The following MYO18A variants were observed in gnomAD, a reference collection of about 807,000 sequenced individuals.
The protein encoded by MYO18A is myosin XVIIIA, also known as unconventional myosin-XVIIIa.
A neutral mutation model predicts 235.8 loss-of-function variants in MYO18A; 78 were observed. The ratio of observed to expected loss-of-function variants is 0.33; its 90% CI spans 0.28 to 0.40. MYO18A has a LOEUF of 0.40. MYO18A is among the 10% of genes least tolerant of loss of function. The pLI is 1.00. For missense variants in MYO18A, 2,215 were observed against 2,699.3 expected (o/e 0.82, Z 3.98); for synonymous variants, 977 against 1,077.8 (o/e 0.91, Z 1.83).
At position 29,113,860 on chromosome 17, in the gene MYO18A, A is replaced by C. The variant is rs1423485145; in HGVS notation, c.2598+151T>G. ...CTGAGGGGCAGAGCCCCAGCACCAG[A>C]GAGTAGTTGGTGTCTGGGCATAGCT... On this transcript the variant is annotated intron_variant, in intron 15 of 41. Transcript: ENST00000527372. 1.8e-5 allele frequency: 11 copies of C among 626,224 alleles called. No individual in the cohort carries two copies. In the East Asian group the frequency reaches 3.1e-4, roughly 18 times the overall value. 38.8% of individuals were successfully genotyped at this position (626,224 alleles called of 1,614,324 possible).
intron 22 of MYO18A, 43 bp downstream of exon 22, chr17:29,099,591 C>A: frequency 6.3e-7 from 1 of 1,593,640 alleles, no homozygotes; most frequent in South Asian, 1.1e-5. Flanking sequence ...TTGGCTGTGC[C>A]CATCTAGGTT....
intron 27 of MYO18A, 144 bp from the exon 28 acceptor site, chr17:29,097,059 G>A: frequency 7.3e-7 from 1 of 1,378,490 alleles, no homozygotes; most frequent in Non-Finnish European, 9.7e-7. Context: ...AAGCTCTAAT[G>A]ATAGCTTGCT....
Position 29,115,359 on chromosome 17 carries a change from C to T in MYO18A, c.2310G>A (p.Leu770=), listed in dbSNP as rs1030042569. The T allele has an allele frequency of 1.9e-6, 3 of 1,613,858 alleles. No homozygotes were observed. The highest frequency in any genetic ancestry group is 2.5e-6 in the Non-Finnish European group (3 of 1,179,894). The change falls in exon 13 of 42, where the codon CTG becomes CTA. Residue 770 remains leucine, a synonymous_variant. Coordinates refer to ENST00000527372, the MANE Select transcript of MYO18A (RefSeq NM_078471.4). Reference sequence around the variant, plus strand: ...TCCTGCCTGGCACTCACCTATTCACCAGGGAGACGAGAAGGGTGAAGAGCT... The same window carrying T: ...TCCTGCCTGGCACTCACCTATTCACTAGGGAGACGAGAAGGGTGAAGAGCT... ...YSELFTLLVS[L]VNRALKSSQH... is the part of the protein sequence containing the mutation.
intron 2 of MYO18A, among the ~76,000 whole-genome samples, chr17:29,136,249 AAAT>A (rs1379023460): frequency 0.15 from 11,684 of 77,186 alleles, 355 homozygotes; most frequent in South Asian, 0.19. Flanking sequence ...AAAAAAAAAA[AAAT>A]ATATATATAT....
At chr17:29,091,177 G>A (rs1260718464) in intron 34 of MYO18A, 1 of 492,858 alleles carries the variant, frequency 2.0e-6, no homozygotes, top group East Asian at 3.5e-5. Context: ...CTTCCTGGCA[G>A]CTCCTTTGAG....
In MYO18A at chr17:29,092,465, A is replaced by G; in HGVS notation, c.5074-9T>C. The G allele has an allele frequency of 6.2e-7, 1 of 1,605,414 alleles. No individual in the cohort carries two copies. The highest frequency in any genetic ancestry group is 8.5e-7 in the Non-Finnish European group (1 of 1,176,042). ...AACTCTGACTCCTCCAGCTGGACACAGACCACCCCCGCCCCAGGGAGAGAT... is the reference window on the plus strand; with the variant it reads ...AACTCTGACTCCTCCAGCTGGACACGGACCACCCCCGCCCCAGGGAGAGAT... On this transcript the variant is annotated splice_polypyrimidine_tract_variant and intron_variant, in intron 33 of 41. Coordinates refer to ENST00000527372, the MANE Select transcript of MYO18A (RefSeq NM_078471.4).
intron 2 of MYO18A, chr17:29,133,901 C>G (rs2067534282): frequency 7.8e-7 from 1 of 1,280,214 alleles, no homozygotes; most frequent in Non-Finnish European, 1.0e-6. Context: ...CTCAGTGTCT[C>G]TGAGTCTTCC....
In MYO18A at chr17:29,072,453, G is replaced by C. The variant is rs1047327358; in HGVS notation, c.*2317C>G. 6.6e-6 allele frequency: 1 copy of C among 152,138 alleles called. No homozygotes were observed. The highest frequency in any genetic ancestry group is 2.4e-5 in the African/African-American group (1 of 41,404). The allele number at this position is 152,138 out of a possible 1,614,324, so 9.4% of individuals were successfully genotyped here. A position where few individuals can be genotyped will look rare whatever the true frequency, so the allele number is the denominator to read the frequency against. Reference sequence around the variant, plus strand: ...TAGGCAGGAGAATCGCTTGAACCTCGGGAGGTAGAGGTTGCAGTGAGTTGA... The same window carrying C: ...TAGGCAGGAGAATCGCTTGAACCTCCGGAGGTAGAGGTTGCAGTGAGTTGA... On this transcript the variant is annotated 3_prime_UTR_variant, in exon 42 of 42. Transcript: ENST00000527372.
At chr17:29,112,706 C>G (rs543279881) in intron 15 of MYO18A, among the ~76,000 whole-genome samples, 2 of 152,366 alleles carry the variant, frequency 1.3e-5, no homozygotes, top group East Asian at 3.9e-4. Flanking sequence ...GGAACCTTCC[C>G]CACACCCTAT....
chr17:29,076,777 T>G (rs1393355447), intron 41 of MYO18A: 2 of 152,230 alleles, frequency 1.3e-5, no homozygotes, highest in East Asian at 3.8e-4. Flanking sequence ...TTACATAGAA[T>G]TTCTGGGCAC....
chr17:29,129,128 A>C lies in MYO18A; in HGVS notation c.1000-6875T>G, dbSNP rs948993070. ...CAAGAGCCTACCCATCCTGAAGGAA[A>C]AAATGATCAGGGAGCTCTTCCTGGC... On this transcript the variant is annotated intron_variant, in intron 2 of 41. Coordinates refer to ENST00000527372, the MANE Select transcript of MYO18A (RefSeq NM_078471.4). 34 of 1,289,262 alleles carry C rather than the reference A, an allele frequency of 2.6e-5. No homozygotes were observed. In the African/African-American group the frequency reaches 5.0e-4, roughly 19 times the overall value. The allele number at this position is 1,289,262 out of a possible 1,614,324, so 79.9% of individuals were successfully genotyped here.
At position 29,086,532 on chromosome 17, in the gene MYO18A, C is replaced by T; in HGVS notation, c.5758G>A (p.Ala1920Thr). 1 of 1,613,028 alleles carries T rather than the reference C, an allele frequency of 6.2e-7. No homozygotes were observed. The highest frequency in any genetic ancestry group is 8.5e-7 in the Non-Finnish European group (1 of 1,179,528). Residue 1920 changes from alanine to threonine, a missense_variant, in exon 39 of 42, where the codon GCT becomes ACT. Coordinates refer to ENST00000527372, the MANE Select transcript of MYO18A (RefSeq NM_078471.4). ...CGCTTGAATGCCAACTTTAGGTCAGCCTGCAGGCTCTGGTTAGCAGCCTCC... is the reference window on the plus strand; with the variant it reads ...CGCTTGAATGCCAACTTTAGGTCAGTCTGCAGGCTCTGGTTAGCAGCCTCC... ...SLEAANQSLQ[A>T]DLKLAFKRIG...
At chr17:29,171,782 A>C (rs949466780) in intron 1 of MYO18A, among the ~76,000 whole-genome samples, 1 of 152,026 alleles carries the variant, frequency 6.6e-6, no homozygotes, top group East Asian at 1.9e-4. Flanking sequence ...TGTGGGAGCT[A>C]CTTGGGAGGC....
In MYO18A at chr17:29,144,166, T is replaced by C. The variant is rs193196524; in HGVS notation, c.999+21776A>G. On this transcript the variant is annotated intron_variant, in intron 2 of 41. Coordinates refer to ENST00000527372, the MANE Select transcript of MYO18A (RefSeq NM_078471.4). ...GGTCCATTTCTTTGATGAGTCTAAC[T>C]GATGGCTCCAGAGGCCATGTGGACA... 1.9e-3 allele frequency among the ~76,000 whole-genome samples: 282 copies of C among 152,326 alleles called. 2 individuals carry two copies. The highest frequency in any genetic ancestry group is 6.4e-3 in the African/African-American group (268 of 41,562).
At chr17:29,094,431 G>A (rs2066472200) in intron 30 of MYO18A, 2 of 618,108 alleles carry the variant, frequency 3.2e-6, no homozygotes, top group Non-Finnish European at 2.8e-6. Context: ...CTCCCTACTA[G>A]AGCTCCATCA....
chr17:29,097,684 C>T (rs1488845453), intron 26 of MYO18A, 104 bp downstream of exon 26: 6 of 988,648 alleles, frequency 6.1e-6, no homozygotes, highest in Non-Finnish European at 9.1e-6. Flanking sequence ...CAGTTTAGCC[C>T]CATGGAGGGG....
At chr17:29,091,618 T>G (rs926887060) in intron 34 of MYO18A, 3 of 454,966 alleles carry the variant, frequency 6.6e-6, no homozygotes, top group Non-Finnish European at 1.3e-5. Flanking sequence ...TTAAGGAATT[T>G]GAATTACTCA....
At chr17:29,137,696 C>T (rs1007464563) in intron 2 of MYO18A, among the ~76,000 whole-genome samples, 3 of 152,132 alleles carry the variant, frequency 2.0e-5, no homozygotes, top group African/African-American at 4.8e-5. Flanking sequence ...AGGTACAACC[C>T]GTTGTTGTAT....
At chr17:29,091,410 GA>G in intron 34 of MYO18A, 1 of 335,870 alleles carries the variant, frequency 3.0e-6, no homozygotes, top group Non-Finnish European at 5.9e-6. Flanking sequence ...GGGAGGGGAA[GA>G]GAGATCCAAC....
Sources: allele counts gnomAD v4.1 joint callset (sites outside exome capture counted in the v4.1 genomes callset), GRCh38; gene constraint gnomAD v4.1.1; transcripts MANE v1.5; gene names NCBI Gene and HGNC (gene_info 2026-07-23, HGNC 2026-07-21).